Variants in ZCCHC14 observed in about 807,000 individuals in gnomAD.
ZCCHC14 encodes the protein zinc finger CCHC domain-containing protein 14.
ZCCHC14 carries 16 observed loss-of-function variants against 85.0 expected under a neutral mutation model. That is an observed-to-expected ratio of 0.19 (90% CI 0.13 to 0.29). The LOEUF (loss-of-function observed/expected upper bound fraction) is 0.29. Ranked by LOEUF, ZCCHC14 falls within the 10% of genes least tolerant of loss-of-function variation. The pLI is 1.00. For missense variants in ZCCHC14, 1,303 were observed against 1,443.5 expected, an observed-to-expected ratio of 0.90 and a Z score of 1.58; for synonymous variants, 775 against 630.7, an observed-to-expected ratio of 1.23 and a Z score of -3.43.
intron 2 of ZCCHC14, among the ~76,000 whole-genome samples, chr16:87,452,065 A>T (rs1352004795): frequency 6.6e-6 from 1 of 152,224 alleles, no homozygotes; most frequent in African/African-American, 2.4e-5. Context: ...GCGTGCAGTG[A>T]CGCAGTGTGT....
chr16:87,414,649 G>T (rs1288653025), intron 9 of ZCCHC14, 108 bp from the exon 10 acceptor site: 1 of 1,446,794 alleles, frequency 6.9e-7, no homozygotes, highest in Non-Finnish European at 9.2e-7. Context: ...TTTGATACAG[G>T]GCGACTTCGA....
rs943299086 is a variant in ZCCHC14, at chr16:87,490,727, G to C, written c.570+942C>G. On this transcript the variant is annotated intron_variant, in intron 1 of 12. Transcript: ENST00000671377. ...TTCACGGGCATTTAAGGCTCTGGGAGTCTTTTTCTGTCTGTTACAGGTAGC... is the reference window on the plus strand; with the variant it reads ...TTCACGGGCATTTAAGGCTCTGGGACTCTTTTTCTGTCTGTTACAGGTAGC... Among the ~76,000 whole-genome samples the C allele has an allele frequency of 6.0e-4, 92 of 152,348 alleles. 1 individual carries two copies. Among genetic ancestry groups the C allele is most frequent in the African/African-American group, 2.2e-3 (91 of 41,584 alleles).
At chr16:87,414,859 T>G (rs543072980) in intron 9 of ZCCHC14, among the ~76,000 whole-genome samples, 45 of 152,348 alleles carry the variant, frequency 3.0e-4, no homozygotes, top group African/African-American at 1.0e-3. Flanking sequence ...GGCGGGCAGA[T>G]CGCCTGAGGT....
intron 3 of ZCCHC14, among the ~76,000 whole-genome samples, chr16:87,432,640 C>T (rs1250853747): frequency 6.6e-6 from 1 of 152,296 alleles, no homozygotes; most frequent in Middle Eastern, 3.4e-3. Flanking sequence ...GCCATCTCGA[C>T]CCTGGTCACC....
intron 2 of ZCCHC14, among the ~76,000 whole-genome samples, chr16:87,455,863 CTGTG>C (rs1340470800): frequency 3.3e-5 from 5 of 152,156 alleles, no homozygotes; most frequent in Non-Finnish European, 7.3e-5. Flanking sequence ...ATGAAGTGGG[CTGTG>C]TGTTAGATAA....
intron 7 of ZCCHC14, among the ~76,000 whole-genome samples, chr16:87,418,325 C>A (rs1010211158): frequency 6.6e-6 from 1 of 152,246 alleles, no homozygotes; most frequent in Non-Finnish European, 1.5e-5. Flanking sequence ...CACCTGCTGA[C>A]TGGGCGCTTA....
chr16:87,415,471 A>G, intron 8 of ZCCHC14, 104 bp from the exon 9 acceptor site: 1 of 935,088 alleles, frequency 1.1e-6, no homozygotes, highest in Non-Finnish European at 1.6e-6. Context: ...CCTCTGGGAT[A>G]TGCAAACAGA....
chr16:87,427,977 G>C (rs2150734238), intron 3 of ZCCHC14, among the ~76,000 whole-genome samples: 1 of 144,262 alleles, frequency 6.9e-6, no homozygotes, highest in East Asian at 2.0e-4. Context: ...AGGTCTCACT[G>C]TGTTGCCCAG....
intron 2 of ZCCHC14, among the ~76,000 whole-genome samples, chr16:87,436,957 C>T (rs777808744): frequency 6.6e-6 from 1 of 152,174 alleles, no homozygotes; most frequent in Non-Finnish European, 1.5e-5. Context: ...CTCATTACAA[C>T]CCACTTCCAG....
chr16:87,432,893 A>C (rs1326707357), intron 3 of ZCCHC14, among the ~76,000 whole-genome samples: 1 of 152,092 alleles, frequency 6.6e-6, no homozygotes, highest in Non-Finnish European at 1.5e-5. Flanking sequence ...TCACACCTGA[A>C]CTGACAACCC....
At chr16:87,454,118 G>C (rs912748593) in intron 2 of ZCCHC14, among the ~76,000 whole-genome samples, 4 of 152,192 alleles carry the variant, frequency 2.6e-5, no homozygotes, top group African/African-American at 9.7e-5. Flanking sequence ...CTGAGGGAGA[G>C]AGAGAGAAGA....
In ZCCHC14 at chr16:87,491,855, C is replaced by T. The variant is rs749297296; in HGVS notation, c.384G>A (p.Thr128=). 3 of 1,564,100 alleles carry T rather than the reference C, an allele frequency of 1.9e-6. No individual in the cohort carries two copies. The highest frequency in any genetic ancestry group is 4.0e-5 in the Admixed American group (2 of 50,214). ...NYGLQLNEGR[T]GDEFLLLFTM... ...TGAACAGCAGCAGGAACTCATCGCC[C>T]GTGCGGCCCTCGTTAAGCTGCAGCC... The change falls in exon 1 of 13, where the codon ACG becomes ACA. Residue 128 remains threonine, a synonymous_variant. Coordinates refer to ENST00000671377, the MANE Select transcript of ZCCHC14 (RefSeq NM_015144.3). The surrounding 1 kb of genome is among the most constrained non-coding windows in gnomAD (Gnocchi z 5.9).
intron 1 of ZCCHC14, among the ~76,000 whole-genome samples, chr16:87,478,238 T>A (rs1912111042): frequency 6.6e-6 from 1 of 152,186 alleles, no homozygotes; most frequent in African/African-American, 2.4e-5. Flanking sequence ...AAGTTCAGAA[T>A]CTACAGTGTC....
intron 1 of ZCCHC14, among the ~76,000 whole-genome samples, chr16:87,483,304 CAAAA>C (rs56708958): frequency 1.4e-4 from 6 of 43,660 alleles, no homozygotes; most frequent in African/African-American, 3.4e-4. Context: ...CTAAAAATAC[CAAAA>C]AAAAAAAAAA....
Position 87,491,882 on chromosome 16 carries a change from G to A in ZCCHC14, c.357C>T (p.Tyr119=), listed in dbSNP as rs1382726726. ...TGCGGCCCTCGTTAAGCTGCAGCCCGTAGTTGTGGATGATGGAGTCGATGT... is the reference window on the plus strand; with the variant it reads ...TGCGGCCCTCGTTAAGCTGCAGCCCATAGTTGTGGATGATGGAGTCGATGT... ...LTHIDSIIHN[Y]GLQLNEGRTG... The change falls in exon 1 of 13, where the codon TAC becomes TAT. Residue 119 remains tyrosine (Y), a synonymous_variant. Transcript: ENST00000671377. The surrounding 1 kb of genome is among the most constrained non-coding windows in gnomAD (Gnocchi z 5.9). The A allele has an allele frequency of 4.5e-6, 7 of 1,546,878 alleles. No individual in the cohort carries two copies. The highest frequency in any genetic ancestry group is 6.1e-6 in the Non-Finnish European group (7 of 1,154,438).
At chr16:87,443,114 A>G (rs1910265890) in intron 2 of ZCCHC14, among the ~76,000 whole-genome samples, 2 of 152,226 alleles carry the variant, frequency 1.3e-5, no homozygotes, top group South Asian at 4.1e-4. Flanking sequence ...GTTGTTCAAA[A>G]TAGGTTTGAT....
chr16:87,432,773 G>T (rs1026938852), intron 3 of ZCCHC14, among the ~76,000 whole-genome samples: 1 of 152,214 alleles, frequency 6.6e-6, no homozygotes, highest in African/African-American at 2.4e-5. Context: ...CCAGACCAAG[G>T]AGCTTTCATC....
rs561121079 is a variant in ZCCHC14 at position 87,467,799 on chromosome 16, G to A, written c.571-7668C>T. On this transcript the variant is annotated intron_variant, in intron 1 of 12. Transcript: ENST00000671377. ...CTCAAGTAGCTGGGACTACAGGCGC[G>A]CACCACCACGCCCGGCTAATTTTTT... 260 of 465,766 alleles carry A rather than the reference G, an allele frequency of 5.6e-4. 2 individuals are homozygous for A. The highest frequency in any genetic ancestry group is 5.1e-3 in the South Asian group (242 of 47,254). The allele number at this position is 465,766 out of a possible 1,614,324, so 28.9% of individuals were successfully genotyped here.
At chr16:87,411,341 C>A in intron 12 of ZCCHC14, 175 bp downstream of exon 12, 2 of 1,496,186 alleles carry the variant, frequency 1.3e-6, no homozygotes, top group Non-Finnish European at 1.8e-6. Context: ...TTAGACCCAA[C>A]AGCAGTCCTT....
Sources: allele counts gnomAD v4.1 joint callset (sites outside exome capture counted in the v4.1 genomes callset), GRCh38; gene constraint gnomAD v4.1.1; non-coding constraint Gnocchi (gnomAD v3.1); transcripts MANE v1.5; gene names NCBI Gene and HGNC (gene_info 2026-07-23, HGNC 2026-07-21).